The following MYO10 variants were observed in gnomAD, a reference collection of about 807,000 sequenced individuals.
MYO10 encodes unconventional myosin-X.
MYO10 carries 133 observed loss-of-function variants against 257.3 expected under a neutral mutation model. The ratio of observed to expected loss-of-function variants is 0.52; its 90% confidence interval spans 0.45 to 0.60. The LOEUF (loss-of-function observed/expected upper bound fraction) is 0.60. MYO10 is among the 20% of genes least tolerant of loss of function. The pLI, the probability that MYO10 is intolerant of heterozygous loss-of-function variation, is 0.00. For synonymous variants in MYO10, 1,104 were observed against 1,028.6 expected (o/e 1.07, Z -1.40); for missense variants, 2,399 against 2,635.7 (o/e 0.91, Z 1.97).
At chr5:16,676,451 TCA>T (rs773376992) in intron 33 of MYO10, among the ~76,000 whole-genome samples, 1 of 152,226 alleles carries the variant, frequency 6.6e-6, no homozygotes, top group Non-Finnish European at 1.5e-5. Context: ...GCACGGTGGC[TCA>T]CACCTGTAAT....
intron 2 of MYO10, among the ~76,000 whole-genome samples, chr5:16,855,383 A>G (rs145075754): frequency 4.7e-4 from 72 of 152,332 alleles, no homozygotes; most frequent in Middle Eastern, 3.4e-3. Flanking sequence ...AACATCCATG[A>G]GGCCCATGTA....
At position 16,781,701 on chromosome 5, in the gene MYO10, A is replaced by G. The variant is rs1233326149; in HGVS notation, c.727+4T>C. 6.2e-7 allele frequency: 1 copy of G among 1,613,228 alleles called. No individual in the cohort carries two copies. Among genetic ancestry groups the G allele is most frequent in the Admixed American group, 1.7e-5 (1 of 59,952 alleles). ...TATAGATAAAAATAAATGAAAGAGG[A>G]TACAATCTACAATTCTCCCGCCCTG... On this transcript the variant is annotated splice_donor_region_variant and intron_variant, in intron 6 of 40. Transcript: ENST00000513610.
chr5:16,715,745 C>T (rs1738840433), intron 19 of MYO10, among the ~76,000 whole-genome samples: 1 of 151,930 alleles, frequency 6.6e-6, no homozygotes, highest in Non-Finnish European at 1.5e-5. Flanking sequence ...CTCAAAAAAG[C>T]TGTTAAAAAA....
intron 19 of MYO10, among the ~76,000 whole-genome samples, chr5:16,753,929 A>G (rs1579952045): frequency 6.6e-6 from 1 of 152,248 alleles, no homozygotes; most frequent in Non-Finnish European, 1.5e-5. Context: ...AGTTCAGATC[A>G]GATTTTTTAC....
At chr5:16,903,922 G>A (rs1026514294) in intron 1 of MYO10, among the ~76,000 whole-genome samples, 1 of 152,202 alleles carries the variant, frequency 6.6e-6, no homozygotes. Context: ...GTGAAATACA[G>A]ATTTGGTCAG....
At chr5:16,853,285 A>C (rs1743863450) in intron 2 of MYO10, among the ~76,000 whole-genome samples, 3 of 151,954 alleles carry the variant, frequency 2.0e-5, no homozygotes, top group African/African-American at 7.3e-5. Context: ...GAGGCAGGAG[A>C]ATGGCATGAA....
chr5:16,831,624 G>C (rs1743165178), intron 2 of MYO10, among the ~76,000 whole-genome samples: 1 of 152,136 alleles, frequency 6.6e-6, no homozygotes, highest in South Asian at 2.1e-4. Context: ...CTCAGGAATG[G>C]AAAAACAAAC....
intron 1 of MYO10, 65 bp from the exon 2 acceptor site, chr5:16,877,772 C>T (rs1395241579): frequency 3.3e-6 from 4 of 1,208,452 alleles, no homozygotes; most frequent in South Asian, 2.5e-5. Flanking sequence ...ACTGTACTGT[C>T]GAAATTACCC....
chr5:16,762,111 A>G lies in MYO10; in HGVS notation c.1590T>C (p.Asn530=), dbSNP rs775605843. ...LLEKLHSQHA[N]NHFYVKPRVA... ...CTCTGGGCTTCACATAAAAGTGGTT[A>G]TTCTAAAAAAAAAAAAAAAAAAAAA... Residue 530 remains asparagine (N), a splice_region_variant and synonymous_variant, in exon 16 of 41, where the codon AAT becomes AAC. Transcript: ENST00000513610. 6.7e-6 allele frequency: 3 copies of G among 449,016 alleles called. No homozygotes were observed. Among genetic ancestry groups the G allele is most frequent in the African/African-American group, 5.5e-5 (2 of 36,640 alleles). 27.8% of individuals were successfully genotyped at this position (449,016 alleles called of 1,614,324 possible).
chr5:16,875,196 A>C (rs1744567445), intron 2 of MYO10, among the ~76,000 whole-genome samples: 1 of 150,782 alleles, frequency 6.6e-6, no homozygotes, highest in Non-Finnish European at 1.5e-5. Flanking sequence ...AACCTATTTT[A>C]CAACGCTTTC....
chr5:16,755,805 C>T (rs1396918030), intron 18 of MYO10, among the ~76,000 whole-genome samples: 1 of 150,410 alleles, frequency 6.6e-6, no homozygotes, highest in African/African-American at 2.5e-5. Flanking sequence ...CCAGCTTCAG[C>T]TCAGGGCTAA....
chr5:16,677,042 G>T (rs959344012), intron 33 of MYO10, among the ~76,000 whole-genome samples: 2 of 152,008 alleles, frequency 1.3e-5, no homozygotes, highest in Non-Finnish European at 2.9e-5. Flanking sequence ...CCTTCCACGT[G>T]CCACCCTTGA....
intron 2 of MYO10, among the ~76,000 whole-genome samples, chr5:16,866,058 C>CACACACAA (rs1491356491): frequency 6.2e-4 from 81 of 131,620 alleles, no homozygotes; most frequent in African/African-American, 2.1e-3. Context: ...CACACACACA[C>CACACACAA]AAAACAATAG....
intron 2 of MYO10, among the ~76,000 whole-genome samples, chr5:16,856,445 G>A (rs1316881440): frequency 1.3e-5 from 2 of 151,978 alleles, no homozygotes; most frequent in East Asian, 3.9e-4. Context: ...AGCTACTCAG[G>A]AGGCCAAGGC....
intron 2 of MYO10, among the ~76,000 whole-genome samples, chr5:16,819,942 T>G (rs776481900): frequency 8.5e-5 from 13 of 152,194 alleles, no homozygotes; most frequent in Non-Finnish European, 1.3e-4. Context: ...ACCCGTCTCT[T>G]ATGAAGAAAA....
At chr5:16,794,054 C>T (rs1476319234) in intron 4 of MYO10, among the ~76,000 whole-genome samples, 2 of 151,930 alleles carry the variant, frequency 1.3e-5, no homozygotes, top group Admixed American at 1.3e-4. Flanking sequence ...ATAGACATGC[C>T]AAGTGCCTTC....
chr5:16,935,897 C>T lies in MYO10; in HGVS notation c.-89G>A. On this transcript the variant is annotated 5_prime_UTR_variant, in exon 1 of 41. In the 5' UTR this introduces an upstream ATG that the reference lacks. Coordinates refer to ENST00000513610, the MANE Select transcript of MYO10 (RefSeq NM_012334.3). ...GGGTCCGGGGAAACCATGCGTGTCA[C>T]GGCGCCACTCCCGAGGACGCGCGCC... 1 of 1,530,204 alleles carries T rather than the reference C, an allele frequency of 6.5e-7. No homozygotes were observed. The highest frequency in any genetic ancestry group is 8.9e-7 in the Non-Finnish European group (1 of 1,124,696). The allele number at this position is 1,530,204 out of a possible 1,614,324, so 94.8% of individuals were successfully genotyped here.
At chr5:16,905,313 T>C (rs768205839) in intron 1 of MYO10, among the ~76,000 whole-genome samples, 2 of 152,138 alleles carry the variant, frequency 1.3e-5, no homozygotes, top group Admixed American at 6.5e-5. Context: ...CTGTTACTAA[T>C]ATCTTCGGAG....
chr5:16,822,948 A>G (rs1471198192), intron 2 of MYO10, among the ~76,000 whole-genome samples: 1 of 151,838 alleles, frequency 6.6e-6, no homozygotes, highest in African/African-American at 2.4e-5. Flanking sequence ...CGGCCTCCCA[A>G]AGTGCTGGGA....
Sources: allele counts gnomAD v4.1 joint callset (sites outside exome capture counted in the v4.1 genomes callset), GRCh38; gene constraint gnomAD v4.1.1; transcripts MANE v1.5; gene names NCBI Gene and HGNC (gene_info 2026-07-23, HGNC 2026-07-21).